Variants in GALNT18 observed in about 807,000 individuals in gnomAD.
The protein encoded by GALNT18 is polypeptide N-acetylgalactosaminyltransferase 18.
GALNT18 carries 44 observed loss-of-function variants against 69.5 expected under a neutral mutation model. The ratio of observed to expected loss-of-function variants is 0.63; its 90% confidence interval spans 0.50 to 0.81. The LOEUF is 0.81. Ranked by LOEUF, GALNT18 falls within the 40% of genes least tolerant of loss-of-function variation. GALNT18 has a pLI of 0.00. For missense variants in GALNT18, 715 were observed against 810.0 expected (o/e 0.88, Z 1.42); for synonymous variants, 364 against 318.2 (o/e 1.14, Z -1.53).
chr11:11,333,064 G>A (rs1196141722), intron 7 of GALNT18, among the ~76,000 whole-genome samples: 2 of 141,990 alleles, frequency 1.4e-5, no homozygotes, highest in Non-Finnish European at 3.1e-5. Flanking sequence ...AAGGGCCATT[G>A]AAAAAAAAGA....
Position 11,500,654 on chromosome 11 carries a change from G to A in GALNT18, c.236-51718C>T, listed in dbSNP as rs1045231513. Among the ~76,000 whole-genome samples the A allele has an allele frequency of 3.3e-5, 5 of 152,210 alleles. No homozygotes were observed. The highest frequency in any genetic ancestry group is 7.2e-5 in the African/African-American group (3 of 41,464). On this transcript the variant is annotated intron_variant, in intron 1 of 10. Coordinates refer to ENST00000227756, the MANE Select transcript of GALNT18 (RefSeq NM_198516.3). The surrounding 1 kb of genome is among the most constrained non-coding windows in gnomAD (Gnocchi z 5.0). ...GCAAAATGGTGACAGTGCCGAGCTAGAGAAGCCCTTCCCATGCACAGCACA... is the reference window on the plus strand; with the variant it reads ...GCAAAATGGTGACAGTGCCGAGCTAAAGAAGCCCTTCCCATGCACAGCACA...
In GALNT18 at chr11:11,601,542, C is replaced by T. The variant is rs1205563460; in HGVS notation, c.235+19817G>A. On this transcript the variant is annotated intron_variant, in intron 1 of 10. Coordinates refer to ENST00000227756, the MANE Select transcript of GALNT18 (RefSeq NM_198516.3). This position sits in a 1 kb window ranked among gnomAD's most constrained non-coding sequence, Gnocchi z 4.0. ...TCCAGCTGTTAGCCTCCACTAGTTG[C>T]TACCTGATTGCTCTATTATTTTCAA... 1.3e-5 allele frequency among the ~76,000 whole-genome samples: 2 copies of T among 152,214 alleles called. No individual in the cohort carries two copies. Among genetic ancestry groups the T allele is most frequent in the East Asian group, 3.8e-4 (2 of 5,200 alleles).
rs199693345 is a variant in GALNT18, at chr11:11,340,290, C to T, written c.1278+529G>A. Among the ~76,000 whole-genome samples the T allele has an allele frequency of 7.7e-5, 3 of 39,016 alleles. No individual in the cohort carries two copies. In the East Asian group the frequency reaches 2.3e-3, roughly 30 times the overall value. The allele number at this position is 39,016 out of a possible 152,430, so 25.6% of individuals were successfully genotyped here. A position where few individuals can be genotyped will look rare whatever the true frequency, so the allele number is the denominator to read the frequency against. ...AATGATGAGGCTCTGTGAAGGTTAA[C>T]TCCATCTCCTAGTGAAGGTCCCTGT... On this transcript the variant is annotated intron_variant, in intron 7 of 10. Transcript: ENST00000227756. This position sits in a 1 kb window ranked among gnomAD's most constrained non-coding sequence, Gnocchi z 4.2.
chr11:11,422,478 G>A (rs1855032472), intron 3 of GALNT18, among the ~76,000 whole-genome samples: 1 of 152,236 alleles, frequency 6.6e-6, no homozygotes, highest in African/African-American at 2.4e-5. Flanking sequence ...TTGGCTGAAC[G>A]GGCTGACAGC....
intron 9 of GALNT18, among the ~76,000 whole-genome samples, chr11:11,323,049 C>G (rs2133040461): frequency 1.3e-5 from 2 of 152,268 alleles, no homozygotes; most frequent in East Asian, 3.9e-4. Context: ...GAAATACTAC[C>G]AGGGTCAGGG....
At position 11,604,964 on chromosome 11, in the gene GALNT18, A is replaced by T. The variant is rs568837588; in HGVS notation, c.235+16395T>A. Among the ~76,000 whole-genome samples, 162 of 152,294 alleles carry T rather than the reference A, an allele frequency of 1.1e-3. 1 individual carries two copies. Among genetic ancestry groups the T allele is most frequent in the Non-Finnish European group, 2.1e-3 (141 of 68,012 alleles). On this transcript the variant is annotated intron_variant, in intron 1 of 10. Coordinates refer to ENST00000227756, the MANE Select transcript of GALNT18 (RefSeq NM_198516.3). The surrounding 1 kb of genome is among the most constrained non-coding windows in gnomAD (Gnocchi z 5.6). ...CTGCGGAGGTAAAAAAAAAGAATGGAATAGTCCTTTTTAAATGACATTTTC... is the reference window on the plus strand; with the variant it reads ...CTGCGGAGGTAAAAAAAAAGAATGGTATAGTCCTTTTTAAATGACATTTTC...
At chr11:11,369,825 A>G (rs1564914029) in intron 6 of GALNT18, among the ~76,000 whole-genome samples, 3 of 152,282 alleles carry the variant, frequency 2.0e-5, no homozygotes. Context: ...AAAAAAGAGC[A>G]TGAAATAAGA....
rs1273514751 is a variant in GALNT18 at position 11,379,129 on chromosome 11, G to C, written c.731C>G (p.Ala244Gly). 3 of 1,610,572 alleles carry C rather than the reference G, an allele frequency of 1.9e-6. No individual in the cohort carries two copies. The African/African-American group carries it at 4.0e-5, about 22-fold the overall frequency. The change falls in exon 4 of 11, where the codon GCC (alanine) becomes GGC (glycine). Residue 244 changes from alanine (A) to glycine (G), a missense_variant. Ala to Gly is a moderately conservative substitution (Grantham distance 60, BLOSUM62 0). Transcript: ENST00000227756. ...SRVSGWRAAT[A>G]PVVALFDAHV... is the part of the protein sequence containing the mutation. ...GGCATCAAAGAGTGCCACCACAGGG[G>C]CAGTGGCCGCCCTCCAGCCACTGAC...
chr11:11,399,995 A>T (rs1854423866), intron 3 of GALNT18, among the ~76,000 whole-genome samples: 1 of 152,254 alleles, frequency 6.6e-6, no homozygotes, highest in Non-Finnish European at 1.5e-5. Context: ...ATTTCTATTT[A>T]ATTGAGTGTG....
rs1855308821 is a variant in GALNT18 at position 11,432,938 on chromosome 11, C to A, written c.429-151G>T. On this transcript the variant is annotated intron_variant, in intron 2 of 10. Coordinates refer to ENST00000227756, the MANE Select transcript of GALNT18 (RefSeq NM_198516.3). This position sits in a 1 kb window ranked among gnomAD's most constrained non-coding sequence, Gnocchi z 5.8. The stretch of plus-strand genomic sequence containing the variant: ...CTTCTTTGATGCACTTAAGATGAGC[C>A]CTAAATGTCCAGCAGAAAGGCCCAC... 4 of 686,164 alleles carry A rather than the reference C, an allele frequency of 5.8e-6. No individual in the cohort carries two copies. The allele number at this position is 686,164 out of a possible 1,614,324, so 42.5% of individuals were successfully genotyped here.
In GALNT18 at chr11:11,327,186, A is replaced by G. The variant is rs1330742361; in HGVS notation, c.1417-5T>C. ...AGTCTTCAGAGAATTCTGCAGCTGA[A>G]CATCAGAGAACAGATGGCCACACCA... On this transcript the variant is annotated splice_region_variant and splice_polypyrimidine_tract_variant and intron_variant, in intron 8 of 10. Transcript: ENST00000227756. The G allele has an allele frequency of 1.2e-6, 2 of 1,602,106 alleles. No individual in the cohort carries two copies. Among genetic ancestry groups the G allele is most frequent in the African/African-American group, 1.3e-5 (1 of 74,678 alleles).
rs1860114618 is a variant in GALNT18, at chr11:11,618,541, T to A, written c.235+2818A>T. The stretch of plus-strand genomic sequence containing the variant: ...ATCCTCTGACACCCACTTCCACCAC[T>A]GTCAACAGACTCCAAGGGACCCTGG... On this transcript the variant is annotated intron_variant, in intron 1 of 10. Coordinates refer to ENST00000227756, the MANE Select transcript of GALNT18 (RefSeq NM_198516.3). The surrounding 1 kb of genome is among the most constrained non-coding windows in gnomAD (Gnocchi z 6.1). Among the ~76,000 whole-genome samples, 1 of 152,158 alleles carries A rather than the reference T, an allele frequency of 6.6e-6. No homozygotes were observed. Among genetic ancestry groups the A allele is most frequent in the Admixed American group, 6.5e-5 (1 of 15,284 alleles).
At chr11:11,284,906 G>GTTT (rs1360585413) in intron 10 of GALNT18, among the ~76,000 whole-genome samples, 1 of 24,542 alleles carries the variant, frequency 4.1e-5, no homozygotes, top group African/African-American at 2.3e-4. Context: ...AAAGACTTTC[G>GTTT]TGTTTTTTTT....
Position 11,411,185 on chromosome 11 carries a change from A to G in GALNT18, c.595+21436T>C, listed in dbSNP as rs60977298. Among the ~76,000 whole-genome samples the G allele has an allele frequency of 1.2e-3, 184 of 152,324 alleles. 5 individuals carry two copies. The highest frequency in any genetic ancestry group is 4.2e-3 in the African/African-American group (175 of 41,580). On this transcript the variant is annotated intron_variant, in intron 3 of 10. Transcript: ENST00000227756. ...ATAAATTAGCTGGGTGTGGTGGTGC[A>G]TGCCTGCAATCCCAGCTACTCGGGA...
At chr11:11,325,008 T>C (rs1448511843) in intron 9 of GALNT18, among the ~76,000 whole-genome samples, 1 of 152,228 alleles carries the variant, frequency 6.6e-6, no homozygotes, top group Non-Finnish European at 1.5e-5. Flanking sequence ...CTACTGGGTA[T>C]CTACCCAAAG....
chr11:11,280,305 C>T (rs1375996587), intron 10 of GALNT18, among the ~76,000 whole-genome samples: 2 of 152,172 alleles, frequency 1.3e-5, no homozygotes, highest in East Asian at 1.9e-4. Context: ...AGGAAGGGCC[C>T]TGGAATCCCC....
chr11:11,400,074 C>A (rs1854425488), intron 3 of GALNT18, among the ~76,000 whole-genome samples: 1 of 152,190 alleles, frequency 6.6e-6, no homozygotes, highest in Admixed American at 6.5e-5. Context: ...TGTGTCACTT[C>A]TGAGACTAAA....
intron 1 of GALNT18, among the ~76,000 whole-genome samples, chr11:11,471,463 T>G (rs1856268457): frequency 6.6e-6 from 1 of 152,200 alleles, no homozygotes; most frequent in Non-Finnish European, 1.5e-5. Flanking sequence ...AGGTGGGGAC[T>G]GGCTGCTAAT....
intron 10 of GALNT18, among the ~76,000 whole-genome samples, chr11:11,280,887 C>T (rs570791341): frequency 1.3e-4 from 20 of 152,208 alleles, no homozygotes; most frequent in Non-Finnish European, 2.5e-4. Context: ...AGAAGCTAGA[C>T]TCTTAGGCCC....
Sources: allele counts gnomAD v4.1 joint callset (sites outside exome capture counted in the v4.1 genomes callset), GRCh38; gene constraint gnomAD v4.1.1; non-coding constraint Gnocchi (gnomAD v3.1); transcripts MANE v1.5; gene names NCBI Gene and HGNC (gene_info 2026-07-23, HGNC 2026-07-21).